The following AP1M1 variants were observed in gnomAD, a reference collection of about 807,000 sequenced individuals.
The protein encoded by AP1M1 is AP-1 complex subunit mu-1.
In AP1M1, 18 loss-of-function variants were observed where a neutral mutation model predicts 57.1. The observed-to-expected ratio is 0.32, with a 90% CI of 0.22 to 0.47. The LOEUF (loss-of-function observed/expected upper bound fraction) is 0.47. Ranked by LOEUF, AP1M1 falls within the 20% of genes least tolerant of loss-of-function variation. The pLI is 1.00. For missense variants in AP1M1, 362 were observed against 593.5 expected (o/e 0.61, Z 4.05); for synonymous variants, 241 against 237.9 (o/e 1.01, Z -0.12).
chr19:16,230,167 A>G (rs1420136529), intron 9 of AP1M1, among the ~76,000 whole-genome samples: 2 of 152,160 alleles, frequency 1.3e-5, no homozygotes, highest in East Asian at 1.9e-4. Flanking sequence ...AGCCATGCAC[A>G]GGCACACCTC....
chr19:16,209,186 C>T lies in AP1M1; in HGVS notation c.546+9C>T, dbSNP rs540318197. On this transcript the variant is annotated intron_variant, in intron 5 of 11. Coordinates refer to ENST00000291439, the MANE Select transcript of AP1M1 (RefSeq NM_032493.4). ...AGTCTGTCAACCTCTTGGTAGGCCT[C>T]TTTTCTTTCCTTCTTCTGTAGGGTT... The T allele has an allele frequency of 1.9e-6, 3 of 1,613,300 alleles. No homozygotes were observed. Among genetic ancestry groups the T allele is most frequent in the East Asian group, 4.5e-5 (2 of 44,858 alleles).
Position 16,241,680 on chromosome 19 carries a change from G to A in AP1M1, c.*7245G>A, listed in dbSNP as rs566827917. ...CTTTTAACAGATTAATAGGAAGAAG[G>A]AAAAGAGAAGGAGGCGTAGAAAAAT... On this transcript the variant is annotated 3_prime_UTR_variant, in exon 12 of 12. Transcript: ENST00000291439. 1 of 152,182 alleles carries A rather than the reference G, an allele frequency of 6.6e-6. No homozygotes were observed. Among genetic ancestry groups the A allele is most frequent in the African/African-American group, 2.4e-5 (1 of 41,522 alleles). The allele number at this position is 152,182 out of a possible 1,614,324, so 9.4% of individuals were successfully genotyped here.
chr19:16,226,349 T>C (rs2091571082), intron 5 of AP1M1, 72 bp from the exon 6 acceptor site: 1 of 1,484,644 alleles, frequency 6.7e-7, no homozygotes, highest in Non-Finnish European at 9.0e-7. Context: ...GGCCAGAGGG[T>C]CACATGATGT....
chr19:16,218,451 T>C (rs1480495555), intron 5 of AP1M1, among the ~76,000 whole-genome samples: 1 of 152,186 alleles, frequency 6.6e-6, no homozygotes, highest in East Asian at 1.9e-4. Context: ...GCTAGTTCAA[T>C]TCACCCCCTC....
intron 9 of AP1M1, among the ~76,000 whole-genome samples, chr19:16,230,798 C>T (rs1036635764): frequency 8.5e-5 from 13 of 152,114 alleles, no homozygotes; most frequent in African/African-American, 3.1e-4. Flanking sequence ...ACCAAACCTG[C>T]ACTGTGTGAA....
At position 16,241,389 on chromosome 19, in the gene AP1M1, G is replaced by T. The variant is rs556710457; in HGVS notation, c.*6954G>T. 6.6e-5 allele frequency: 10 copies of T among 151,902 alleles called. No individual in the cohort carries two copies. The East Asian group carries it at 1.4e-3, about 21-fold the overall frequency. 9.4% of individuals were successfully genotyped at this position (151,902 alleles called of 1,614,324 possible). A position where few individuals can be genotyped will look rare whatever the true frequency, so the allele number is the denominator to read the frequency against. On this transcript the variant is annotated 3_prime_UTR_variant, in exon 12 of 12. Coordinates refer to ENST00000291439, the MANE Select transcript of AP1M1 (RefSeq NM_032493.4). ...AAAGGAACTTGTGTACATAAGGAAA[G>T]GAAGAAAGATGTGAGAAGGAATGCC...
intron 4 of AP1M1, chr19:16,208,791 T>C (rs2091480825): frequency 4.3e-6 from 2 of 463,554 alleles, no homozygotes; most frequent in Non-Finnish European, 3.9e-6. Context: ...AAATGAGCAC[T>C]TCAGCCTCTA....
intron 9 of AP1M1, 116 bp downstream of exon 9, chr19:16,229,044 C>A: frequency 8.0e-7 from 1 of 1,252,076 alleles, no homozygotes; most frequent in Non-Finnish European, 1.1e-6. Context: ...CTGTGTCTTC[C>A]ACACCTGGGG....
At chr19:16,210,415 T>C (rs753293531) in intron 5 of AP1M1, 28 of 717,860 alleles carry the variant, frequency 3.9e-5, no homozygotes, top group African/African-American at 7.0e-5. Flanking sequence ...TGTTTACCTT[T>C]ATAAGAAACT....
At chr19:16,199,618 C>T (rs2091439063) in intron 1 of AP1M1, among the ~76,000 whole-genome samples, 1 of 145,862 alleles carries the variant, frequency 6.9e-6, no homozygotes, top group Admixed American at 6.8e-5. Flanking sequence ...CCAGCACTTT[C>T]CTGAAGTCCC....
chr19:16,198,849 C>G (rs937496982), intron 1 of AP1M1, among the ~76,000 whole-genome samples: 3 of 152,022 alleles, frequency 2.0e-5, no homozygotes, highest in Admixed American at 2.0e-4. Flanking sequence ...GCTCAGTCGT[C>G]CAGTCTGGAG....
At chr19:16,221,709 T>C (rs1291013670) in intron 5 of AP1M1, among the ~76,000 whole-genome samples, 1 of 152,280 alleles carries the variant, frequency 6.6e-6, no homozygotes, top group Non-Finnish European at 1.5e-5. Flanking sequence ...ACATAGAATG[T>C]ACATTATTTC....
In AP1M1 at chr19:16,203,357, T is replaced by A; in HGVS notation, c.43-102T>A. 1 of 1,218,776 alleles carries A rather than the reference T, an allele frequency of 8.2e-7. No homozygotes were observed. The highest frequency in any genetic ancestry group is 1.2e-6 in the Non-Finnish European group (1 of 844,026). The allele number at this position is 1,218,776 out of a possible 1,614,324, so 75.5% of individuals were successfully genotyped here. ...TTGCGGATAGTGGCCATGACCGGAG[T>A]CCCCAGAGCGAAGCAGGGTGGTGCA... On this transcript the variant is annotated intron_variant, in intron 1 of 11. Transcript: ENST00000291439. The surrounding 1 kb of genome is among the most constrained non-coding windows in gnomAD (Gnocchi z 4.6).
In AP1M1 at chr19:16,215,534, GT is replaced by G. The variant is rs1411551710; in HGVS notation, c.546+6360del. Among the ~76,000 whole-genome samples, 28 of 149,740 alleles carry G rather than the reference GT, an allele frequency of 1.9e-4. No individual in the cohort carries two copies. The East Asian group carries it at 5.2e-3, about 28-fold the overall frequency. Reference sequence around the variant, plus strand: ...CCTCCAATCTCTTCTGGCTTGTAGGGTTTCTGCTGAGAGGCCCACTGCTAGT... The same window carrying G: ...CCTCCAATCTCTTCTGGCTTGTAGGGTTCTGCTGAGAGGCCCACTGCTAGT... On this transcript the variant is annotated intron_variant, in intron 5 of 11. Transcript: ENST00000291439.
rs1007262120 is a variant in AP1M1, at chr19:16,207,545, T to G, written c.268-474T>G. Among the ~76,000 whole-genome samples the G allele has an allele frequency of 1.1e-4, 16 of 152,226 alleles. No homozygotes were observed. Among genetic ancestry groups the G allele is most frequent in the Non-Finnish European group, 1.8e-4 (12 of 68,032 alleles). ...GTGACGCTCCTTCCTTCAGCATTTG[T>G]GCCTGCAAAAGTGCTTCTAACAGCC... On this transcript the variant is annotated intron_variant, in intron 3 of 11. Coordinates refer to ENST00000291439, the MANE Select transcript of AP1M1 (RefSeq NM_032493.4). The surrounding 1 kb of genome is among the most constrained non-coding windows in gnomAD (Gnocchi z 4.2).
At chr19:16,231,982 G>C (rs1457075270) in intron 9 of AP1M1, among the ~76,000 whole-genome samples, 2 of 152,232 alleles carry the variant, frequency 1.3e-5, no homozygotes. Flanking sequence ...TGTCCACCTG[G>C]ATGGAGATCT....
chr19:16,203,371 C>A lies in AP1M1; in HGVS notation c.43-88C>A. The A allele has an allele frequency of 7.1e-7, 1 of 1,408,388 alleles. No individual in the cohort carries two copies. Among genetic ancestry groups the A allele is most frequent in the Non-Finnish European group, 1.0e-6 (1 of 1,001,438 alleles). 87.2% of individuals were successfully genotyped at this position (1,408,388 alleles called of 1,614,324 possible). A position where few individuals can be genotyped will look rare whatever the true frequency, so the allele number is the denominator to read the frequency against. On this transcript the variant is annotated intron_variant, in intron 1 of 11. Transcript: ENST00000291439. The surrounding 1 kb of genome is among the most constrained non-coding windows in gnomAD (Gnocchi z 4.6). ...CATGACCGGAGTCCCCAGAGCGAAG[C>A]AGGGTGGTGCATCTCACCCCCTGCC... is the stretch of plus-strand genomic sequence containing the variant.
rs1308586318 is a variant in AP1M1 at position 16,203,933 on chromosome 19, G to A, written c.199+318G>A. On this transcript the variant is annotated intron_variant, in intron 2 of 11. Transcript: ENST00000291439. This position sits in a 1 kb window ranked among gnomAD's most constrained non-coding sequence, Gnocchi z 4.6. The stretch of plus-strand genomic sequence containing the variant: ...GAGGGGTGGGCAGGCACTAGGCGTG[G>A]GTGAAGGCTCTGCAGGGAAGAGCCT... 6.6e-6 allele frequency among the ~76,000 whole-genome samples: 1 copy of A among 152,142 alleles called. No homozygotes were observed. Among genetic ancestry groups the A allele is most frequent in the East Asian group, 1.9e-4 (1 of 5,186 alleles).
Position 16,234,457 on chromosome 19 carries a change from C to G in AP1M1, c.*22C>G. 6.2e-7 allele frequency: 1 copy of G among 1,613,362 alleles called. No individual in the cohort carries two copies. The highest frequency in any genetic ancestry group is 8.5e-7 in the Non-Finnish European group (1 of 1,179,866). Reference sequence around the variant, plus strand: ...GTGAGGGGCTGTCGCAGCCAACACCCCGGCCTCGGGGCTCCTGGTGGCAGC... The same window carrying G: ...GTGAGGGGCTGTCGCAGCCAACACCGCGGCCTCGGGGCTCCTGGTGGCAGC... On this transcript the variant is annotated 3_prime_UTR_variant, in exon 12 of 12. Transcript: ENST00000291439.
Sources: gnomAD v4.1 joint callset for allele counts (sites outside exome capture counted in the v4.1 genomes callset) on GRCh38, gnomAD v4.1.1 for gene constraint, Gnocchi (gnomAD v3.1) non-coding constraint, MANE v1.5 for transcripts, NCBI Gene and HGNC (gene_info 2026-07-23, HGNC 2026-07-21) for gene names.